Variants in SGCD observed in about 807,000 individuals in gnomAD.
SGCD encodes the protein delta-sarcoglycan.
In SGCD, 18 loss-of-function variants were observed where a neutral mutation model predicts 36.6. The ratio of observed to expected loss-of-function variants is 0.49; its 90% CI spans 0.34 to 0.73. The LOEUF (loss-of-function observed/expected upper bound fraction) is 0.73, where lower values mean the gene tolerates loss of function less well. Among genes scored for constraint, SGCD ranks in the 30% least tolerant of loss-of-function variants. The pLI, the probability that SGCD is intolerant of heterozygous loss-of-function variation, is 0.01. For missense variants in SGCD, 387 were observed against 346.7 expected, an observed-to-expected ratio of 1.12 and a Z score of -0.92; for synonymous variants, 133 against 130.6, an observed-to-expected ratio of 1.02 and a Z score of -0.12.
At chr5:155,974,780 C>T (rs983722847) in intron 1 of SGCD, among the ~76,000 whole-genome samples, 10 of 151,898 alleles carry the variant, frequency 6.6e-5, no homozygotes, top group Non-Finnish European at 1.3e-4. Context: ...GAGTGTAGGG[C>T]GGACAGTGGA....
the SGCD span, among the ~76,000 whole-genome samples, chr5:155,811,071 C>T: frequency 6.6e-6 from 1 of 151,846 alleles, no homozygotes; most frequent in Non-Finnish European, 1.5e-5. Context: ...CCCGCCTCGG[C>T]CTCCCAAAGT....
intron 3 of SGCD, among the ~76,000 whole-genome samples, chr5:156,425,172 G>T (rs1773619885): frequency 6.6e-6 from 1 of 151,894 alleles, no homozygotes; most frequent in Non-Finnish European, 1.5e-5. Flanking sequence ...TGCCCATTTT[G>T]TTTTCATTAT....
chr5:156,082,410 C>G (rs941208255), intron 1 of SGCD, among the ~76,000 whole-genome samples: 1 of 152,124 alleles, frequency 6.6e-6, no homozygotes. Flanking sequence ...CCCTCTATAC[C>G]TTACCACTAA....
intron 1 of SGCD, among the ~76,000 whole-genome samples, chr5:156,029,956 C>T (rs376529958): frequency 1.3e-5 from 2 of 152,280 alleles, no homozygotes; most frequent in Admixed American, 6.5e-5. Context: ...TTCGCCAAGC[C>T]CTCCAGCCCT....
chr5:156,445,016 G>A (rs1212895883), intron 3 of SGCD, among the ~76,000 whole-genome samples: 1 of 152,108 alleles, frequency 6.6e-6, no homozygotes, highest in Non-Finnish European at 1.5e-5. Context: ...AGGTATAATT[G>A]AGAGCATTAG....
chr5:156,662,941 G>A (rs1442798461), intron 7 of SGCD, among the ~76,000 whole-genome samples: 1 of 150,246 alleles, frequency 6.7e-6, no homozygotes, highest in East Asian at 1.9e-4. Context: ...AGTGGTATGG[G>A]TTTAGGAGGC....
intron 1 of SGCD, among the ~76,000 whole-genome samples, chr5:156,075,043 T>C (rs1760729665): frequency 6.6e-6 from 1 of 152,244 alleles, no homozygotes; most frequent in African/African-American, 2.4e-5. Context: ...AGAGCTGATA[T>C]CTTGAGAAAT....
intron 3 of SGCD, among the ~76,000 whole-genome samples, chr5:156,485,554 T>C (rs1038496074): frequency 6.6e-6 from 1 of 151,952 alleles, no homozygotes; most frequent in Admixed American, 6.5e-5. Flanking sequence ...TCCCAGCTAC[T>C]GGGAAGGCCG....
chr5:155,836,364 A>G, the SGCD span, among the ~76,000 whole-genome samples: 1 of 152,182 alleles, frequency 6.6e-6, no homozygotes, highest in African/African-American at 2.4e-5. Flanking sequence ...AGAGCATTTC[A>G]GATATGTAGA....
chr5:156,364,980 C>T (rs1366661465), intron 3 of SGCD, among the ~76,000 whole-genome samples: 1 of 152,182 alleles, frequency 6.6e-6, no homozygotes, highest in East Asian at 1.9e-4. Context: ...GTTGCAAGGG[C>T]ATACTCAGAT....
chr5:156,652,524 A>G (rs1055554946), intron 7 of SGCD, among the ~76,000 whole-genome samples: 1 of 151,676 alleles, frequency 6.6e-6, no homozygotes, highest in Non-Finnish European at 1.5e-5. Context: ...ACACACATAC[A>G]CAGAATCATA....
At chr5:156,683,818 C>T (rs924991931) in intron 7 of SGCD, among the ~76,000 whole-genome samples, 3 of 152,128 alleles carry the variant, frequency 2.0e-5, no homozygotes, top group Non-Finnish European at 4.4e-5. Flanking sequence ...CTCATAAGGC[C>T]TCTATGATAT....
rs114187176 is a variant in SGCD at position 156,673,607 on chromosome 5, A to T, written c.575+26071A>T. ...TTCCTTGCCTGGCATCTGGGCTCAA[A>T]CACACTCACTCCAGAATAACAAAGC... On this transcript the variant is annotated intron_variant, in intron 7 of 8. Transcript: ENST00000337851. Among the ~76,000 whole-genome samples the T allele has an allele frequency of 2.9e-3, 447 of 152,300 alleles. 1 individual carries two copies. The highest frequency in any genetic ancestry group is 0.01 in the African/African-American group (430 of 41,564).
intron 1 of SGCD, among the ~76,000 whole-genome samples, chr5:155,931,633 G>A (rs1452801534): frequency 3.9e-5 from 6 of 152,090 alleles, no homozygotes; most frequent in African/African-American, 1.4e-4. Flanking sequence ...CTTAATTAAC[G>A]TAAGCAAGTA....
chr5:155,962,244 C>T lies in SGCD; in HGVS notation c.-282+91820C>T, dbSNP rs142821990. ...TCACTATAAGCCTATGATGCCTTAC[C>T]GAGCTTAGGAAATCATTCTATCAGG... On this transcript the variant is annotated intron_variant, in intron 1 of 9. Coordinates refer to the SGCD transcript ENST00000517913. Among the ~76,000 whole-genome samples the T allele has an allele frequency of 3.0e-3, 450 of 152,094 alleles. 2 individuals carry two copies. Among genetic ancestry groups the T allele is most frequent in the African/African-American group, 0.011 (441 of 41,510 alleles).
intron 3 of SGCD, among the ~76,000 whole-genome samples, chr5:156,378,505 A>G (rs1232489108): frequency 2.0e-5 from 3 of 152,132 alleles, no homozygotes; most frequent in African/African-American, 7.2e-5. Flanking sequence ...GTATTTTACC[A>G]CAGTTTAATA....
intron 3 of SGCD, among the ~76,000 whole-genome samples, chr5:156,206,438 T>C (rs1428864105): frequency 6.6e-6 from 1 of 152,068 alleles, no homozygotes; most frequent in Non-Finnish European, 1.5e-5. Context: ...AAATTCTTCC[T>C]AGGGATTGAA....
At chr5:155,782,874 C>CA in the SGCD span, among the ~76,000 whole-genome samples, 1 of 152,106 alleles carries the variant, frequency 6.6e-6, no homozygotes, top group Admixed American at 6.5e-5. Context: ...TTACCCTGGT[C>CA]AGTGGAAAAA....
chr5:156,487,813 A>AAGAAAAAG (rs1554107840), intron 3 of SGCD, among the ~76,000 whole-genome samples: 16,059 of 76,800 alleles, frequency 0.21, 2,934 homozygotes, highest in South Asian at 0.29. Flanking sequence ...AAAAAAAAAA[A>AAGAAAAAG]AAAGAAAGAA....
Sources: allele counts gnomAD v4.1 joint callset (sites outside exome capture counted in the v4.1 genomes callset), GRCh38; gene constraint gnomAD v4.1.1; transcripts MANE v1.5; gene names NCBI Gene and HGNC (gene_info 2026-07-23, HGNC 2026-07-21).